The following EXOC4 variants were observed in gnomAD, a reference collection of about 807,000 sequenced individuals.
The protein encoded by EXOC4 is exocyst complex component 4.
Under a neutral mutation model 107.2 loss-of-function variants are expected in EXOC4, and 71 were observed. That is an observed-to-expected ratio of 0.66 (90% CI 0.55 to 0.81). The LOEUF (loss-of-function observed/expected upper bound fraction) is 0.81, where lower values mean the gene tolerates loss of function less well. EXOC4 is among the 30% of genes least tolerant of loss of function. EXOC4 has a pLI of 0.00. For synonymous variants in EXOC4, 456 were observed against 441.2 expected (o/e 1.03, Z -0.42); for missense variants, 1,108 against 1,189.6 (o/e 0.93, Z 1.01).
At chr7:133,277,209 CTAGT>C (rs1185945326) in intron 2 of EXOC4, among the ~76,000 whole-genome samples, 1 of 152,164 alleles carries the variant, frequency 6.6e-6, no homozygotes, top group Non-Finnish European at 1.5e-5. Flanking sequence ...ATCTGTGAAA[CTAGT>C]TAAAGTTATA....
chr7:133,280,924 T>C (rs1794121659), intron 2 of EXOC4, among the ~76,000 whole-genome samples: 1 of 152,142 alleles, frequency 6.6e-6, no homozygotes, highest in African/African-American at 2.4e-5. Context: ...TGCTAAACAG[T>C]GGGTAATAAT....
Position 133,374,878 on chromosome 7 carries a change from C to G in EXOC4, c.1058C>G (p.Ala353Gly). The G allele has an allele frequency of 6.2e-7, 1 of 1,613,918 alleles. No homozygotes were observed. Among genetic ancestry groups the G allele is most frequent in the South Asian group, 1.1e-5 (1 of 91,072 alleles). ...ELLFDKFNAVAAAHSVVLGYL... is the reference protein window; with the variant it reads ...ELLFDKFNAVGAAHSVVLGYL... ...CTGTTTGACAAGTTTAATGCTGTAGCCGCTGCACACTCTGTGGTCCTGGGA... is the reference window on the plus strand; with the variant it reads ...CTGTTTGACAAGTTTAATGCTGTAGGCGCTGCACACTCTGTGGTCCTGGGA... The change falls in exon 7 of 18, where the codon GCC (alanine) becomes GGC (glycine). Residue 353 changes from alanine to glycine, a missense_variant. Physicochemically the swap from Ala to Gly is moderately conservative, Grantham distance 60. Coordinates refer to ENST00000253861, the MANE Select transcript of EXOC4 (RefSeq NM_021807.4).
At chr7:133,742,290 C>T (rs1023644661) in intron 10 of EXOC4, among the ~76,000 whole-genome samples, 1 of 152,156 alleles carries the variant, frequency 6.6e-6, no homozygotes, top group African/African-American at 2.4e-5. Context: ...TTAGAGATTT[C>T]TGGTTACCTT....
At chr7:134,060,542 A>G (rs6969506) in intron 17 of EXOC4, among the ~76,000 whole-genome samples, 32,590 of 152,120 alleles carry the variant, frequency 0.21, 4,485 homozygotes, top group African/African-American at 0.39. Context: ...GATGATGAAG[A>G]CCAAGCTTTC....
rs192895038 is a variant in EXOC4 at position 133,736,080 on chromosome 7, C to A, written c.1515-81245C>A. On this transcript the variant is annotated intron_variant, in intron 10 of 17. Coordinates refer to ENST00000253861, the MANE Select transcript of EXOC4 (RefSeq NM_021807.4). ...CTCCAGCCTGGGTGACAGAGGGAGACCCTGTCTCAAAAAAAAAAAGATATT... is the reference window on the plus strand; with the variant it reads ...CTCCAGCCTGGGTGACAGAGGGAGAACCTGTCTCAAAAAAAAAAAGATATT... Among the ~76,000 whole-genome samples, 11 of 151,852 alleles carry A rather than the reference C, an allele frequency of 7.2e-5. No individual in the cohort carries two copies. In the East Asian group the frequency reaches 1.9e-3, roughly 27 times the overall value.
intron 10 of EXOC4, among the ~76,000 whole-genome samples, chr7:133,765,606 C>A (rs1796119916): frequency 6.6e-6 from 1 of 151,926 alleles, no homozygotes; most frequent in Non-Finnish European, 1.5e-5. Context: ...CTTTGTGTAG[C>A]ATAGCATTGT....
intron 10 of EXOC4, among the ~76,000 whole-genome samples, chr7:133,642,603 G>A (rs1477603658): frequency 2.0e-5 from 3 of 152,016 alleles, no homozygotes; most frequent in Admixed American, 1.3e-4. Context: ...TGCTTTAGTC[G>A]CTCAGTTTCC....
At chr7:133,782,006 T>C (rs1585141046) in intron 10 of EXOC4, among the ~76,000 whole-genome samples, 1 of 152,350 alleles carries the variant, frequency 6.6e-6, no homozygotes, top group Middle Eastern at 3.4e-3. Flanking sequence ...TTTGTAATCC[T>C]AGCCTATGTG....
At chr7:133,963,379 G>T (rs1453638732) in intron 14 of EXOC4, among the ~76,000 whole-genome samples, 1 of 152,238 alleles carries the variant, frequency 6.6e-6, no homozygotes, top group African/African-American at 2.4e-5. Context: ...CATAAGTACT[G>T]TTGTAATACA....
At chr7:133,387,245 A>G (rs1796748766) in intron 7 of EXOC4, among the ~76,000 whole-genome samples, 2 of 152,184 alleles carry the variant, frequency 1.3e-5, no homozygotes, top group Admixed American at 1.3e-4. Context: ...ACAGAAGGCA[A>G]ATTTTGATTC....
At chr7:134,079,911 C>A in the EXOC4 span, among the ~76,000 whole-genome samples, 1 of 152,176 alleles carries the variant, frequency 6.6e-6, no homozygotes, top group African/African-American at 2.4e-5. Context: ...AAAACCTAAC[C>A]CCGGATGCTA....
intron 14 of EXOC4, among the ~76,000 whole-genome samples, chr7:133,985,353 G>C (rs1418904031): frequency 6.6e-6 from 1 of 152,128 alleles, no homozygotes; most frequent in African/African-American, 2.4e-5. Context: ...TCAAACTCAA[G>C]AGGCCACAGG....
intron 2 of EXOC4, among the ~76,000 whole-genome samples, chr7:133,286,649 T>A (rs1794284933): frequency 6.6e-6 from 1 of 152,196 alleles, no homozygotes; most frequent in Non-Finnish European, 1.5e-5. Flanking sequence ...TCTGTATAGG[T>A]CTTCACTTGG....
intron 5 of EXOC4, among the ~76,000 whole-genome samples, chr7:133,349,759 G>A (rs183755735): frequency 6.6e-6 from 1 of 152,054 alleles, no homozygotes; most frequent in East Asian, 1.9e-4. Flanking sequence ...TTTTCATAGT[G>A]GCTGTACCAT....
At chr7:133,336,689 T>A (rs981957376) in intron 5 of EXOC4, among the ~76,000 whole-genome samples, 1 of 131,444 alleles carries the variant, frequency 7.6e-6, no homozygotes. Flanking sequence ...ATTTTTATTT[T>A]ATTTATTTTA....
chr7:133,253,511 T>C, intron 1 of EXOC4: 1 of 1,061,506 alleles, frequency 9.4e-7, no homozygotes, highest in Middle Eastern at 4.3e-4. Flanking sequence ...TATTGATTCC[T>C]AAAATGCTTG....
intron 5 of EXOC4, among the ~76,000 whole-genome samples, chr7:133,330,233 C>G (rs940745482): frequency 6.6e-6 from 1 of 152,054 alleles, no homozygotes; most frequent in Non-Finnish European, 1.5e-5. Context: ...AGGGTAAAAC[C>G]TCCTATTCAA....
intron 2 of EXOC4, among the ~76,000 whole-genome samples, chr7:133,287,334 G>A (rs1466623117): frequency 2.6e-5 from 4 of 151,230 alleles, no homozygotes; most frequent in African/African-American, 4.9e-5. Context: ...TTTTTGAGAC[G>A]GAGTCTTGCT....
At chr7:133,665,195 G>A (rs1793784603) in intron 10 of EXOC4, among the ~76,000 whole-genome samples, 1 of 152,108 alleles carries the variant, frequency 6.6e-6, no homozygotes, top group Non-Finnish European at 1.5e-5. Context: ...CACTTTCCAT[G>A]CATTTGTTTC....
Sources: allele counts gnomAD v4.1 joint callset (sites outside exome capture counted in the v4.1 genomes callset), GRCh38; gene constraint gnomAD v4.1.1; transcripts MANE v1.5; gene names NCBI Gene and HGNC (gene_info 2026-07-23, HGNC 2026-07-21).